Variants in TG observed in about 807,000 individuals in gnomAD.
TG encodes thyroglobulin, also known as thyroid hormones.
TG carries 270 observed loss-of-function variants against 324.7 expected under a neutral mutation model. The ratio of observed to expected loss-of-function variants is 0.83; its 90% CI spans 0.75 to 0.92. The LOEUF (loss-of-function observed/expected upper bound fraction) is 0.92, where lower values mean the gene tolerates loss of function less well. Ranked by LOEUF, TG falls within the 40% of genes least tolerant of loss-of-function variation. The probability of loss-of-function intolerance (pLI) is 0.00; values close to 1 mark genes in which losing one functional copy is unlikely to be tolerated. For synonymous variants in TG, 1,401 were observed against 1,327.0 expected (o/e 1.06, Z -1.21); for missense variants, 3,591 against 3,456.4 (o/e 1.04, Z -0.98).
intron 41 of TG, among the ~76,000 whole-genome samples, chr8:133,092,091 C>G (rs1318614307): frequency 6.6e-6 from 1 of 152,168 alleles, no homozygotes; most frequent in East Asian, 1.9e-4. Flanking sequence ...CAGCCAGTGG[C>G]TCACTCTGAT....
At chr8:133,033,874 C>T (rs1380229582) in intron 41 of TG, among the ~76,000 whole-genome samples, 1 of 152,256 alleles carries the variant, frequency 6.6e-6, no homozygotes, top group Non-Finnish European at 1.5e-5. Context: ...TAACATCTCT[C>T]ATTCCAATTC....
intron 26 of TG, among the ~76,000 whole-genome samples, chr8:132,944,227 G>A (rs995334350): frequency 1.3e-5 from 2 of 151,984 alleles, no homozygotes; most frequent in Non-Finnish European, 2.9e-5. Context: ...GTTTGAGATC[G>A]AGGTGTATTC....
At chr8:133,113,376 C>G (rs1850423013) in intron 43 of TG, 46 bp from the exon 44 acceptor site, 3 of 1,608,074 alleles carry the variant, frequency 1.9e-6, no homozygotes, top group Non-Finnish European at 2.6e-6. Context: ...TGACTTGGAC[C>G]TTTCAGAATC....
intron 41 of TG, among the ~76,000 whole-genome samples, chr8:133,071,374 C>A (rs949892679): frequency 6.6e-6 from 1 of 152,208 alleles, no homozygotes; most frequent in Non-Finnish European, 1.5e-5. Context: ...TAGAGCCTGG[C>A]TCCCAGCTAC....
At chr8:132,869,460 A>T (rs1018749351) in intron 2 of TG, among the ~76,000 whole-genome samples, 2 of 152,180 alleles carry the variant, frequency 1.3e-5, no homozygotes, top group Non-Finnish European at 2.9e-5. Context: ...CCTGCACTCC[A>T]GGGTGGGTCA....
At chr8:132,875,319 G>C (rs1356060337) in intron 5 of TG, among the ~76,000 whole-genome samples, 1 of 152,184 alleles carries the variant, frequency 6.6e-6, no homozygotes, top group Non-Finnish European at 1.5e-5. Context: ...TGTGTTCTCA[G>C]TTCAAGATCA....
chr8:133,090,472 G>A (rs903133858), intron 41 of TG, among the ~76,000 whole-genome samples: 3 of 152,212 alleles, frequency 2.0e-5, no homozygotes, highest in Non-Finnish European at 2.9e-5. Context: ...ACAGGGAAGC[G>A]AAGCAAGTTG....
chr8:132,939,531 C>T (rs1824111650), intron 25 of TG, among the ~76,000 whole-genome samples: 1 of 152,128 alleles, frequency 6.6e-6, no homozygotes, highest in South Asian at 2.1e-4. Flanking sequence ...GCATTCGAGG[C>T]AGAAGGGGCT....
At chr8:133,133,310 A>G (rs1852088118) in intron 46 of TG, 160 bp from the exon 47 acceptor site, 1 of 762,318 alleles carries the variant, frequency 1.3e-6, no homozygotes, top group Admixed American at 2.0e-5. Flanking sequence ...AGTCAAGATC[A>G]CAACCCCAGA....
At chr8:133,062,814 C>T (rs1391339874) in intron 41 of TG, among the ~76,000 whole-genome samples, 1 of 152,186 alleles carries the variant, frequency 6.6e-6, no homozygotes, top group African/African-American at 2.4e-5. Flanking sequence ...TTTGCACAGG[C>T]CTCAGGAAGC....
rs1407337918 is a variant in TG, at chr8:133,040,106, A to C, written c.7239+10083A>C. ...TTGTGTCAGGCAGGGCGTGGTGAGC[A>C]CACAGCACAGGCCATCAGCCACCTC... On this transcript the variant is annotated intron_variant, in intron 41 of 47. Coordinates refer to ENST00000220616, the MANE Select transcript of TG (RefSeq NM_003235.5). 8.9e-6 allele frequency: 14 copies of C among 1,574,230 alleles called. No individual in the cohort carries two copies. Among genetic ancestry groups the C allele is most frequent in the Non-Finnish European group, 1.2e-5 (14 of 1,160,038 alleles).
At chr8:133,081,261 G>T (rs370347075) in intron 41 of TG, among the ~76,000 whole-genome samples, 20 of 152,242 alleles carry the variant, frequency 1.3e-4, no homozygotes, top group African/African-American at 4.8e-4. Context: ...TAGCACAGAG[G>T]CTATCCCCAA....
At chr8:132,904,670 G>T (rs1232495593) in intron 16 of TG, among the ~76,000 whole-genome samples, 1 of 152,116 alleles carries the variant, frequency 6.6e-6, no homozygotes, top group Non-Finnish European at 1.5e-5. Context: ...GATGTTTGTG[G>T]CCCCAGGAGG....
rs756935449 is a variant in TG, at chr8:133,116,688, C to G, written c.7834C>G (p.His2612Asp). The G allele has an allele frequency of 7.4e-6, 12 of 1,614,106 alleles. No homozygotes were observed. In the African/African-American group the frequency reaches 1.5e-4, roughly 20 times the overall value. ...GGCCCGAGGAAACGTCTTCATGTACCATGCTCCTGAAAACTACGGCCATGG... is the reference window on the plus strand; with the variant it reads ...GGCCCGAGGAAACGTCTTCATGTACGATGCTCCTGAAAACTACGGCCATGG... ...KRARGNVFMY[H>D]APENYGHGSL... is the part of the protein sequence containing the mutation. Residue 2612 changes from histidine to aspartate, a missense_variant, in exon 45 of 48, where the codon CAT becomes GAT. Transcript: ENST00000220616.
At chr8:132,930,821 G>A (rs1418669298) in intron 23 of TG, among the ~76,000 whole-genome samples, 1 of 152,196 alleles carries the variant, frequency 6.6e-6, no homozygotes, top group Non-Finnish European at 1.5e-5. Context: ...GGGCCACTGA[G>A]TTCAGTGTCT....
At chr8:132,868,539 T>G (rs527357320) in intron 2 of TG, among the ~76,000 whole-genome samples, 2 of 152,106 alleles carry the variant, frequency 1.3e-5, no homozygotes, top group South Asian at 4.1e-4. Flanking sequence ...GTGTGGGGAG[T>G]GGGGCAGGTT....
chr8:133,109,765 A>G (rs1267993257), intron 43 of TG, among the ~76,000 whole-genome samples: 1 of 152,084 alleles, frequency 6.6e-6, no homozygotes, highest in Non-Finnish European at 1.5e-5. Flanking sequence ...ACTTGTGCTG[A>G]CCTCGGCTAC....
At chr8:132,933,903 G>T (rs79107422) in intron 24 of TG, among the ~76,000 whole-genome samples, 2,957 of 152,270 alleles carry the variant, frequency 0.019, 92 homozygotes, top group African/African-American at 0.067. Flanking sequence ...CTTGAGCCTT[G>T]TGGCTTCCTG....
At chr8:132,926,721 G>T (rs1006668916) in intron 22 of TG, among the ~76,000 whole-genome samples, 4 of 152,176 alleles carry the variant, frequency 2.6e-5, no homozygotes, top group African/African-American at 9.7e-5. Flanking sequence ...CTTACTGAGT[G>T]GTTACCATAT....
Sources: gnomAD v4.1 joint callset for allele counts (sites outside exome capture counted in the v4.1 genomes callset) on GRCh38, gnomAD v4.1.1 for gene constraint, MANE v1.5 for transcripts, NCBI Gene and HGNC (gene_info 2026-07-23, HGNC 2026-07-21) for gene names.